Variants in SENP1 observed in about 807,000 individuals in gnomAD.
The protein encoded by SENP1 is SUMO specific peptidase 1, also known as sentrin-specific protease 1.
Under a neutral mutation model 93.0 loss-of-function variants are expected in SENP1, and 21 were observed. The ratio of observed to expected loss-of-function variants is 0.23; its 90% CI spans 0.16 to 0.33. The LOEUF is 0.33. Among genes scored for constraint, SENP1 ranks in the 10% least tolerant of loss-of-function variants. The pLI is 1.00. For synonymous variants in SENP1, 256 were observed against 259.6 expected (o/e 0.99, Z 0.13); for missense variants, 591 against 758.7 (o/e 0.78, Z 2.60).
chr12:48,104,348 T>G (rs1946284187), intron 1 of SENP1, among the ~76,000 whole-genome samples: 1 of 146,646 alleles, frequency 6.8e-6, no homozygotes, highest in Non-Finnish European at 1.5e-5. Context: ...TTAGAACAAT[T>G]TATGATATAA....
intron 15 of SENP1, 106 bp downstream of exon 15, chr12:48,047,894 AT>A (rs1565729355): frequency 5.6e-6 from 4 of 710,796 alleles, no homozygotes. Flanking sequence ...TAATATGAAG[AT>A]TTTATCAATC....
At chr12:48,063,264 T>C (rs1364055154) in intron 13 of SENP1, among the ~76,000 whole-genome samples, 1 of 152,160 alleles carries the variant, frequency 6.6e-6, no homozygotes, top group African/African-American at 2.4e-5. Context: ...TTGGAAAGCT[T>C]GTCATTCGTA....
intron 5 of SENP1, among the ~76,000 whole-genome samples, chr12:48,086,769 G>A (rs1412144540): frequency 6.6e-6 from 1 of 152,190 alleles, no homozygotes; most frequent in Non-Finnish European, 1.5e-5. Flanking sequence ...TGGGCATGGT[G>A]GCTCATGCCT....
At chr12:48,081,115 C>T (rs545766516) in intron 6 of SENP1, among the ~76,000 whole-genome samples, 1 of 152,274 alleles carries the variant, frequency 6.6e-6, no homozygotes, top group Admixed American at 6.5e-5. Context: ...GCAACAGAAA[C>T]ATGGGGCAGG....
Position 48,065,621 on chromosome 12 carries a change from G to T in SENP1, c.1094C>A (p.Ala365Glu). 6.4e-7 allele frequency: 1 copy of T among 1,559,982 alleles called. No individual in the cohort carries two copies. The highest frequency in any genetic ancestry group is 8.7e-7 in the Non-Finnish European group (1 of 1,150,184). The change falls in exon 11 of 18, where the codon GCA (alanine) becomes GAA (glutamate). Residue 365 changes from alanine (A) to glutamate (E), a missense_variant. Physicochemically the swap from Ala to Glu is moderately radical, Grantham distance 107. Coordinates refer to ENST00000549518, the MANE Select transcript of SENP1 (RefSeq NM_001267594.2). Reference protein sequence around the residue: ...ERLRQIEEQKALALQLQNQRL... With the variant: ...ERLRQIEEQKELALQLQNQRL... ...CTGGTTTTGAAGCTGTAAGGCCAAT[G>T]CCTTCTGTTCTTCAATCTGGCGCAA...
At chr12:48,061,581 AT>A (rs906535196) in intron 13 of SENP1, among the ~76,000 whole-genome samples, 3 of 151,932 alleles carry the variant, frequency 2.0e-5, no homozygotes, top group African/African-American at 4.8e-5. Context: ...CTAATTTTTA[AT>A]TTTTTTGTAG....
chr12:48,097,876 T>C, intron 3 of SENP1, 118 bp downstream of exon 3: 1 of 907,236 alleles, frequency 1.1e-6, no homozygotes, highest in Non-Finnish European at 1.6e-6. Context: ...AAATTACTGA[T>C]TCTAAAAAGT....
chr12:48,072,795 G>C (rs990495726), intron 8 of SENP1, among the ~76,000 whole-genome samples: 11 of 152,068 alleles, frequency 7.2e-5, no homozygotes, highest in African/African-American at 2.4e-4. Context: ...TCATTAGTAT[G>C]TATGTATAGG....
At chr12:48,088,389 T>G (rs1284984136) in intron 5 of SENP1, among the ~76,000 whole-genome samples, 3 of 152,196 alleles carry the variant, frequency 2.0e-5, no homozygotes, top group Non-Finnish European at 4.4e-5. Flanking sequence ...TAGAAGTAGC[T>G]TGGTCTACTT....
intron 5 of SENP1, among the ~76,000 whole-genome samples, chr12:48,087,692 A>G (rs1254676031): frequency 1.3e-5 from 2 of 152,178 alleles, no homozygotes; most frequent in Non-Finnish European, 1.5e-5. Flanking sequence ...GAATTACTGT[A>G]TAATTTTTTA....
intron 6 of SENP1, among the ~76,000 whole-genome samples, chr12:48,080,940 C>T (rs1394737119): frequency 2.0e-5 from 3 of 152,206 alleles, no homozygotes; most frequent in Non-Finnish European, 4.4e-5. Flanking sequence ...ACTGACCCAA[C>T]CTGTGGCCTG....
chr12:48,099,851 A>G (rs1180277199), intron 2 of SENP1, among the ~76,000 whole-genome samples: 1 of 152,184 alleles, frequency 6.6e-6, no homozygotes, highest in African/African-American at 2.4e-5. Flanking sequence ...TTAAAAGCAT[A>G]ATTTTATTCA....
intron 4 of SENP1, among the ~76,000 whole-genome samples, chr12:48,093,677 T>G (rs775512403): frequency 6.7e-6 from 1 of 150,220 alleles, no homozygotes; most frequent in Non-Finnish European, 1.5e-5. Flanking sequence ...GGACTGTGGA[T>G]GTGCGTATCA....
At chr12:48,063,877 C>T (rs776009491) in intron 12 of SENP1, 36 bp from the exon 13 acceptor site, 22 of 1,582,336 alleles carry the variant, frequency 1.4e-5, no homozygotes, top group Admixed American at 7.0e-5. Context: ...ATCAAACACG[C>T]GTGGCTTCAG....
At chr12:48,070,917 T>A (rs1943647170) in intron 9 of SENP1, among the ~76,000 whole-genome samples, 1 of 151,710 alleles carries the variant, frequency 6.6e-6, no homozygotes, top group African/African-American at 2.4e-5. Flanking sequence ...CATAGCAAGA[T>A]CCCGTCTCTA....
At chr12:48,070,881 TAGG>T (rs1424267866) in intron 9 of SENP1, among the ~76,000 whole-genome samples, 1 of 151,966 alleles carries the variant, frequency 6.6e-6, no homozygotes, top group African/African-American at 2.4e-5. Context: ...CGCTTGAGGC[TAGG>T]AGTACAAAAC....
At chr12:48,098,699 C>T (rs1010904098) in intron 2 of SENP1, among the ~76,000 whole-genome samples, 1 of 150,288 alleles carries the variant, frequency 6.7e-6, no homozygotes, top group African/African-American at 2.5e-5. Context: ...TAGCCTCAAC[C>T]ACTTGGGAAG....
chr12:48,063,189 A>G (rs1390390365), intron 13 of SENP1, among the ~76,000 whole-genome samples: 2 of 152,206 alleles, frequency 1.3e-5, no homozygotes, highest in Non-Finnish European at 2.9e-5. Context: ...TACCTCAAAT[A>G]TTTAATAATA....
At chr12:48,055,856 G>T (rs1942214348) in intron 13 of SENP1, among the ~76,000 whole-genome samples, 2 of 131,504 alleles carry the variant, frequency 1.5e-5, no homozygotes, top group Admixed American at 7.9e-5. Flanking sequence ...TAATGTATAA[G>T]GTATAATATA....
Sources: gnomAD v4.1 joint callset for allele counts (sites outside exome capture counted in the v4.1 genomes callset) on GRCh38, gnomAD v4.1.1 for gene constraint, MANE v1.5 for transcripts, NCBI Gene and HGNC (gene_info 2026-07-23, HGNC 2026-07-21) for gene names.